LGI2: variants seen among roughly 807,000 people sequenced by gnomAD.
LGI2 encodes the protein leucine rich repeat LGI family member 2.
In LGI2, 30 loss-of-function variants were observed where a neutral mutation model predicts 52.0. The ratio of observed to expected loss-of-function variants is 0.58; its 90% confidence interval spans 0.43 to 0.78. The LOEUF is 0.78. Among genes scored for constraint, LGI2 ranks in the 30% least tolerant of loss-of-function variants. The pLI is 0.00. For missense variants in LGI2, 573 were observed against 692.5 expected, an observed-to-expected ratio of 0.83 and a Z score of 1.94; for synonymous variants, 270 against 271.8, an observed-to-expected ratio of 0.99 and a Z score of 0.06.
At chr4:24,995,613 G>A (rs774759745), downstream of LGI2, among the ~76,000 whole-genome samples, 7 of 152,152 alleles carry the variant, frequency 4.6e-5, no homozygotes, top group African/African-American at 9.7e-5. Flanking sequence ...CTCCAAGTGA[G>A]CAGTCCAAGA....
intron 1 of LGI2, 110 bp from the exon 2 acceptor site, chr4:25,028,688 G>A: frequency 1.1e-6 from 1 of 895,458 alleles, no homozygotes; most frequent in Non-Finnish European, 1.8e-6. Flanking sequence ...TGACTCTCAG[G>A]AGTGAGGCAT....
In LGI2 at chr4:25,003,164, A is replaced by C; in HGVS notation, c.*287T>G. ...TCTTCCTCATCAAAAAGCGGGGGGG[A>C]AGCATATTACATTTCTAGATGATAA... is the stretch of plus-strand genomic sequence containing the variant. On this transcript the variant is annotated 3_prime_UTR_variant, in exon 8 of 8. Transcript: ENST00000382114. 1 of 251,816 alleles carries C rather than the reference A, an allele frequency of 4.0e-6. No individual in the cohort carries two copies. Among genetic ancestry groups the C allele is most frequent in the Non-Finnish European group, 7.4e-6 (1 of 135,192 alleles). 15.6% of individuals were successfully genotyped at this position (251,816 alleles called of 1,614,324 possible).
intron 6 of LGI2, among the ~76,000 whole-genome samples, chr4:25,016,339 C>T (rs561973776): frequency 2.0e-5 from 3 of 152,296 alleles, no homozygotes; most frequent in South Asian, 4.1e-4. Context: ...TGTTTCGAGA[C>T]CTCTGCAGAG....
At position 25,024,880 on chromosome 4, in the gene LGI2, C is replaced by T; in HGVS notation, c.353G>A (p.Gly118Glu). The T allele has an allele frequency of 1.2e-6, 2 of 1,602,476 alleles. No homozygotes were observed. The highest frequency in any genetic ancestry group is 1.7e-6 in the Non-Finnish European group (2 of 1,175,520). Residue 118 changes from glycine (G) to glutamate (E), a missense_variant, in exon 4 of 8, where the codon GGG becomes GAG. Coordinates refer to ENST00000382114, the MANE Select transcript of LGI2 (RefSeq NM_018176.4). ...TCTTGAAATGGTTTCTATTTTGTTC[C>T]CTTCAATGAACCTAAGAGGAAAAGT... is the stretch of plus-strand genomic sequence containing the variant. ...LFHLEYLFIE[G>E]NKIETISRNA...
the LGI2 span, among the ~76,000 whole-genome samples, chr4:24,993,325 C>A: frequency 6.6e-6 from 1 of 152,216 alleles, no homozygotes; most frequent in African/African-American, 2.4e-5. Flanking sequence ...CTCTCAACCT[C>A]TTTGTGCCTC....
Position 25,002,416 on chromosome 4 carries a change from C to T in LGI2, c.*1035G>A, listed in dbSNP as rs148641245. 1,719 of 152,686 alleles carry T rather than the reference C, an allele frequency of 0.011. 116 individuals carry two copies. Among genetic ancestry groups the T allele is most frequent in the Admixed American group, 0.1 (1,527 of 15,278 alleles). The allele number at this position is 152,686 out of a possible 1,614,324, so 9.5% of individuals were successfully genotyped here. ...GTGGGCTGGCAGGGAAGTTGGTATT[C>T]GATTACTTGAAATATTAAGTTGTCC... On this transcript the variant is annotated 3_prime_UTR_variant, in exon 8 of 8. Transcript: ENST00000382114.
Position 25,003,882 on chromosome 4 carries a change from T to C in LGI2, c.1207A>G (p.Lys403Glu). 6.2e-7 allele frequency: 1 copy of C among 1,614,210 alleles called. No homozygotes were observed. The highest frequency in any genetic ancestry group is 8.5e-7 in the Non-Finnish European group (1 of 1,180,038). ...SQVPIILQWN[K>E]SSKKFVPHGD... is the part of the protein sequence containing the mutation. Reference sequence around the variant, plus strand: ...TGGGGGACAAACTTCTTAGAGCTTTTATTCCACTGGAGGATGATGGGGACC... The same window carrying C: ...TGGGGGACAAACTTCTTAGAGCTTTCATTCCACTGGAGGATGATGGGGACC... The change falls in exon 8 of 8, where the codon AAA becomes GAA. Residue 403 changes from lysine to glutamate, a missense_variant. By Grantham distance (56) the Lys-to-Glu change is moderately conservative. Transcript: ENST00000382114.
At position 25,004,198 on chromosome 4, in the gene LGI2, G is replaced by A. The variant is rs768409884; in HGVS notation, c.891C>T (p.Phe297=). 1.3e-5 allele frequency: 21 copies of A among 1,614,020 alleles called. No homozygotes were observed. Among genetic ancestry groups the A allele is most frequent in the South Asian group, 3.3e-5 (3 of 91,084 alleles). ...DQVFVVVAQL[F]GGSHIYKYDE... ...CGTATTTGTAAATGTGAGAGCCACC[G>A]AAGAGCTGGGCTACCACCACAAAGA... Residue 297 remains phenylalanine, a synonymous_variant, in exon 8 of 8, where the codon TTC becomes TTT. Coordinates refer to ENST00000382114, the MANE Select transcript of LGI2 (RefSeq NM_018176.4). This position sits in a 1 kb window ranked among gnomAD's most constrained non-coding sequence, Gnocchi z 4.6.
rs2109401246 is a variant in LGI2, at chr4:25,001,157, A to C, written c.*2294T>G. The C allele has an allele frequency of 6.6e-6, 1 of 152,308 alleles. No homozygotes were observed. Among genetic ancestry groups the C allele is most frequent in the South Asian group, 2.1e-4 (1 of 4,826 alleles). 9.4% of individuals were successfully genotyped at this position (152,308 alleles called of 1,614,324 possible). On this transcript the variant is annotated 3_prime_UTR_variant, in exon 8 of 8. Transcript: ENST00000382114. ...CCATCTGGACTCAACAGCTCTCCCCATCCTAAGCCCAGCATCCTGTGTTTC... is the reference window on the plus strand; with the variant it reads ...CCATCTGGACTCAACAGCTCTCCCCCTCCTAAGCCCAGCATCCTGTGTTTC...
chr4:25,025,662 C>T (rs913328576), intron 3 of LGI2, among the ~76,000 whole-genome samples: 3 of 152,180 alleles, frequency 2.0e-5, no homozygotes, highest in African/African-American at 7.2e-5. Context: ...TTAGTTACAG[C>T]ATTATATTAA....
At chr4:25,012,744 C>T (rs1725631034) in intron 6 of LGI2, among the ~76,000 whole-genome samples, 1 of 152,230 alleles carries the variant, frequency 6.6e-6, no homozygotes, top group South Asian at 2.1e-4. Flanking sequence ...GGAGAAACAG[C>T]TTCCCGAGTT....
chr4:25,012,313 T>C, intron 7 of LGI2, 22 bp downstream of exon 7: 2 of 1,613,534 alleles, frequency 1.2e-6, no homozygotes, highest in South Asian at 2.2e-5. Flanking sequence ...GTTCAACACA[T>C]CTGATCAAAG....
In LGI2 at chr4:25,002,318, G is replaced by A. The variant is rs994334425; in HGVS notation, c.*1133C>T. 1 of 152,260 alleles carries A rather than the reference G, an allele frequency of 6.6e-6. No individual in the cohort carries two copies. Among genetic ancestry groups the A allele is most frequent in the African/African-American group, 2.4e-5 (1 of 41,446 alleles). 9.4% of individuals were successfully genotyped at this position (152,260 alleles called of 1,614,324 possible). On this transcript the variant is annotated 3_prime_UTR_variant, in exon 8 of 8. Coordinates refer to ENST00000382114, the MANE Select transcript of LGI2 (RefSeq NM_018176.4). ...TGAGTATCTTGGGTTGTGATTTGGT[G>A]TGGGCTGCACTGGCAGTGCAATAGC...
At position 25,010,281 on chromosome 4, in the gene LGI2, AAAAAG is replaced by A. The variant is rs559892357; in HGVS notation, c.820+2049_820+2053del. ...GGCAACAGAGCGAGACTCCATCTCA[AAAAAG>A]AAAAGAAAAGAAAAAAGAAAAGACA... On this transcript the variant is annotated intron_variant, in intron 7 of 7. Transcript: ENST00000382114. Among the ~76,000 whole-genome samples the A allele has an allele frequency of 2.6e-4, 40 of 152,246 alleles. No homozygotes were observed. In the Middle Eastern group the frequency reaches 0.01, roughly 39 times the overall value.
chr4:24,995,818 G>T (rs188088997), downstream of LGI2, among the ~76,000 whole-genome samples: 348 of 152,324 alleles, frequency 2.3e-3, 3 homozygotes, highest in African/African-American at 7.6e-3. Flanking sequence ...CAGAGCAGAA[G>T]AATATTAAAA....
At position 25,012,602 on chromosome 4, in the gene LGI2, GGGA is replaced by G. The variant is rs562007848; in HGVS notation, c.656-106_656-104del. 3.4e-4 allele frequency: 411 copies of G among 1,198,200 alleles called. 1 individual carries two copies. The African/African-American group carries it at 4.6e-3, about 14-fold the overall frequency. The allele number at this position is 1,198,200 out of a possible 1,614,324, so 74.2% of individuals were successfully genotyped here. On this transcript the variant is annotated intron_variant, in intron 6 of 7. Transcript: ENST00000382114. ...ATCACATCAGCTCTGAAAAGGACTG[GGGA>G]GGAGGAGGAGGATAGGAGAGATGCA...
intron 7 of LGI2, among the ~76,000 whole-genome samples, chr4:25,006,782 A>C (rs1262060446): frequency 6.6e-6 from 1 of 152,244 alleles, no homozygotes. Flanking sequence ...GGTAAAACCG[A>C]GGCACAGAGA....
At chr4:24,996,986 G>A (rs909948778), downstream of LGI2, among the ~76,000 whole-genome samples, 4 of 152,148 alleles carry the variant, frequency 2.6e-5, no homozygotes, top group Non-Finnish European at 4.4e-5. Context: ...TTTCCCCTGT[G>A]TTGCTTTGGT....
At chr4:25,010,137 G>T (rs182916737) in intron 7 of LGI2, among the ~76,000 whole-genome samples, 8 of 152,018 alleles carry the variant, frequency 5.3e-5, no homozygotes, top group Non-Finnish European at 1.2e-4. Context: ...AAAATTAGCC[G>T]GGTGCGGTAG....
Sources: gnomAD v4.1 joint callset for allele counts (sites outside exome capture counted in the v4.1 genomes callset) on GRCh38, gnomAD v4.1.1 for gene constraint, Gnocchi (gnomAD v3.1) non-coding constraint, MANE v1.5 for transcripts, NCBI Gene and HGNC (gene_info 2026-07-23, HGNC 2026-07-21) for gene names.